Variants in PLCB1 observed in about 807,000 individuals in gnomAD.
The protein encoded by PLCB1 is phospholipase C beta 1.
In PLCB1, 46 loss-of-function variants were observed where a neutral mutation model predicts 161.8. The ratio of observed to expected loss-of-function variants is 0.28; its 90% CI spans 0.22 to 0.36. The LOEUF is 0.36. Among genes scored for constraint, PLCB1 ranks in the 10% least tolerant of loss-of-function variants. The pLI is 1.00. For missense variants in PLCB1, 1,016 were observed against 1,472.5 expected (o/e 0.69, Z 5.07); for synonymous variants, 517 against 503.7 (o/e 1.03, Z -0.35).
At chr20:8,873,122 TAAAC>T (rs1425916643) in intron 31 of PLCB1, among the ~76,000 whole-genome samples, 2 of 151,996 alleles carry the variant, frequency 1.3e-5, no homozygotes, top group African/African-American at 2.4e-5. Flanking sequence ...GGAAAACAAA[TAAAC>T]AAACAAAAAC....
At chr20:8,240,172 T>TTTTTTC (rs1219956596) in intron 2 of PLCB1, among the ~76,000 whole-genome samples, 1 of 151,694 alleles carries the variant, frequency 6.6e-6, no homozygotes, top group African/African-American at 2.4e-5. Flanking sequence ...ACAAAAGCTG[T>TTTTTTC]GTGAATGAGG....
At chr20:8,441,747 A>G (rs1980570412) in intron 3 of PLCB1, among the ~76,000 whole-genome samples, 1 of 152,106 alleles carries the variant, frequency 6.6e-6, no homozygotes, top group Non-Finnish European at 1.5e-5. Context: ...GAGGAGGGGG[A>G]GAGGGCAGCA....
intron 3 of PLCB1, among the ~76,000 whole-genome samples, chr20:8,428,059 A>C (rs910579233): frequency 6.6e-6 from 1 of 152,120 alleles, no homozygotes; most frequent in Non-Finnish European, 1.5e-5. Flanking sequence ...TAATTTTATA[A>C]AGTTTATAGG....
At chr20:8,457,747 C>CACACAT (rs55973685) in intron 3 of PLCB1, among the ~76,000 whole-genome samples, 1 of 149,938 alleles carries the variant, frequency 6.7e-6, no homozygotes, top group East Asian at 2.0e-4. Context: ...CACACACACA[C>CACACAT]GTACACACCA....
intron 2 of PLCB1, among the ~76,000 whole-genome samples, chr20:8,332,142 G>A (rs1336745454): frequency 6.6e-6 from 1 of 152,174 alleles, no homozygotes; most frequent in Non-Finnish European, 1.5e-5. Flanking sequence ...CTTTCATAAT[G>A]CCTTGTGCTG....
intron 2 of PLCB1, among the ~76,000 whole-genome samples, chr20:8,304,363 G>A (rs887057831): frequency 2.6e-5 from 4 of 151,922 alleles, no homozygotes; most frequent in African/African-American, 9.7e-5. Context: ...TCCTCTTGTG[G>A]CCAGAAACTA....
chr20:8,681,086 G>GTGTGTGTGTGTATATATATA (rs1394518085), intron 9 of PLCB1, among the ~76,000 whole-genome samples: 3 of 73,854 alleles, frequency 4.1e-5, no homozygotes, highest in Non-Finnish European at 7.8e-5. Context: ...ATGTGTGTGT[G>GTGTGTGTGTGTATATATATA]TATATATATA....
At chr20:8,200,201 G>A (rs1480786449) in intron 2 of PLCB1, among the ~76,000 whole-genome samples, 2 of 151,852 alleles carry the variant, frequency 1.3e-5, no homozygotes. Flanking sequence ...TTATAATAAT[G>A]TGATCAGCCT....
At chr20:8,716,240 T>G (rs1195517474) in intron 12 of PLCB1, 24 bp from the exon 13 acceptor site, 1 of 1,592,546 alleles carries the variant, frequency 6.3e-7, no homozygotes. Flanking sequence ...CTACTTTCCT[T>G]CTTCTGTTCT....
chr20:8,763,165 A>T (rs923568030), intron 25 of PLCB1, among the ~76,000 whole-genome samples: 2 of 152,192 alleles, frequency 1.3e-5, no homozygotes, highest in Admixed American at 6.5e-5. Flanking sequence ...TTAAATGCAC[A>T]TTCTAGAATT....
intron 14 of PLCB1, among the ~76,000 whole-genome samples, chr20:8,718,549 C>A (rs1979459779): frequency 6.6e-6 from 1 of 152,186 alleles, no homozygotes; most frequent in Admixed American, 6.5e-5. Flanking sequence ...TTTCACTAAC[C>A]TTTCTCCTGT....
At chr20:8,518,821 A>G (rs1179629369) in intron 3 of PLCB1, among the ~76,000 whole-genome samples, 1 of 152,006 alleles carries the variant, frequency 6.6e-6, no homozygotes, top group Non-Finnish European at 1.5e-5. Flanking sequence ...GGGAACCCTA[A>G]GCTTGTTTTC....
chr20:8,747,922 G>A (rs965099010), intron 23 of PLCB1, among the ~76,000 whole-genome samples: 1 of 152,102 alleles, frequency 6.6e-6, no homozygotes, highest in African/African-American at 2.4e-5. Flanking sequence ...AGGTTACAAT[G>A]TTTTGCCCAA....
At chr20:8,346,387 G>A (rs1303158242) in intron 2 of PLCB1, among the ~76,000 whole-genome samples, 1 of 152,184 alleles carries the variant, frequency 6.6e-6, no homozygotes, top group Non-Finnish European at 1.5e-5. Context: ...AGAATGTTAT[G>A]TTGACCTTGT....
chr20:8,575,063 T>C (rs2123061357), intron 3 of PLCB1, among the ~76,000 whole-genome samples: 1 of 152,308 alleles, frequency 6.6e-6, no homozygotes, highest in Middle Eastern at 3.4e-3. Flanking sequence ...TAGGAAATCA[T>C]CCATTTAGTC....
chr20:8,847,311 T>C (rs1386676414), intron 31 of PLCB1, among the ~76,000 whole-genome samples: 1 of 152,142 alleles, frequency 6.6e-6, no homozygotes, highest in Non-Finnish European at 1.5e-5. Flanking sequence ...TCCTATACTT[T>C]CTTGCACCAT....
intron 2 of PLCB1, among the ~76,000 whole-genome samples, chr20:8,274,586 C>G (rs1982438486): frequency 6.6e-6 from 1 of 151,560 alleles, no homozygotes; most frequent in African/African-American, 2.4e-5. Context: ...TCAATGTTCT[C>G]CTGCCTCATT....
chr20:8,469,963 C>G (rs1177839138), intron 3 of PLCB1, among the ~76,000 whole-genome samples: 4 of 152,124 alleles, frequency 2.6e-5, no homozygotes, highest in Non-Finnish European at 5.9e-5. Context: ...TTTGCAACCG[C>G]TAATTTACTT....
At chr20:8,196,495 A>G (rs760609792) in intron 2 of PLCB1, among the ~76,000 whole-genome samples, 2 of 151,868 alleles carry the variant, frequency 1.3e-5, no homozygotes, top group African/African-American at 4.8e-5. Context: ...TAAAAGCTCA[A>G]CATCTGATTA....
Sources: gnomAD v4.1 joint callset for allele counts (sites outside exome capture counted in the v4.1 genomes callset) on GRCh38, gnomAD v4.1.1 for gene constraint, MANE v1.5 for transcripts, NCBI Gene and HGNC (gene_info 2026-07-23, HGNC 2026-07-21) for gene names.